Variants in PTPRH observed in about 807,000 individuals in gnomAD.
The protein encoded by PTPRH is receptor-type tyrosine-protein phosphatase H.
PTPRH carries 113 observed loss-of-function variants against 130.2 expected under a neutral mutation model. The observed-to-expected ratio is 0.87, with a 90% CI of 0.75 to 1.01. The LOEUF (loss-of-function observed/expected upper bound fraction) is 1.01, where lower values mean the gene tolerates loss of function less well. PTPRH is among the 50% of genes least tolerant of loss of function. The pLI is 0.00. For synonymous variants in PTPRH, 556 were observed against 577.9 expected, an observed-to-expected ratio of 0.96 and a Z score of 0.54; for missense variants, 1,430 against 1,425.0, an observed-to-expected ratio of 1.00 and a Z score of -0.06.
At position 55,197,315 on chromosome 19, in the gene PTPRH, A is replaced by G. The variant is rs1257199107; in HGVS notation, c.1792T>C (p.Tyr598His). 6.2e-7 allele frequency: 1 copy of G among 1,614,240 alleles called. No homozygotes were observed. Among genetic ancestry groups the G allele is most frequent in the South Asian group, 1.1e-5 (1 of 91,088 alleles). The part of the protein sequence containing the change: ...PGDPHSQLYV[Y>H]WVQWASKGHP... Reference sequence around the variant, plus strand: ...CCCTTGCTGGCCCACTGGACCCAGTATACGTACAACTGAGAGTGGGGGTCT... The same window carrying G: ...CCCTTGCTGGCCCACTGGACCCAGTGTACGTACAACTGAGAGTGGGGGTCT... The change falls in exon 9 of 20, where the codon TAC (tyrosine) becomes CAC (histidine). Residue 598 changes from tyrosine (Y) to histidine (H), a missense_variant. Tyr to His is a moderately conservative substitution (Grantham distance 83). Coordinates refer to ENST00000376350, the MANE Select transcript of PTPRH (RefSeq NM_002842.5).
In PTPRH at chr19:55,196,406, AG is replaced by A. The variant is rs2147490397; in HGVS notation, c.2257+115del. The A allele has an allele frequency of 3.1e-6, 4 of 1,304,160 alleles. No homozygotes were observed. The South Asian group carries it at 5.7e-5, about 19-fold the overall frequency. 80.8% of individuals were successfully genotyped at this position (1,304,160 alleles called of 1,614,324 possible). On this transcript the variant is annotated intron_variant, in intron 10 of 19. Coordinates refer to ENST00000376350, the MANE Select transcript of PTPRH (RefSeq NM_002842.5). ...TCCATCTCAAAATACAAAATAAAAA[AG>A]ATGTTTCAAAGGAAATGAGAAACAA...
chr19:55,206,126 G>A (rs573097884), intron 3 of PTPRH, among the ~76,000 whole-genome samples: 9 of 151,840 alleles, frequency 5.9e-5, no homozygotes, highest in African/African-American at 1.4e-4. Context: ...TCTGCTACTC[G>A]GGAGGCTGAG....
At chr19:55,183,385 A>G (rs2086232252) in intron 18 of PTPRH, among the ~76,000 whole-genome samples, 1 of 150,742 alleles carries the variant, frequency 6.6e-6, no homozygotes, top group Non-Finnish European at 1.5e-5. Context: ...AGCCTGGGCG[A>G]CAGAGCAAGA....
At chr19:55,207,631 GTTTGA>G (rs2087113603) in intron 1 of PTPRH, among the ~76,000 whole-genome samples, 1 of 143,232 alleles carries the variant, frequency 7.0e-6, no homozygotes, top group Non-Finnish European at 1.5e-5. Flanking sequence ...TCGACCTCTG[GTTTGA>G]GGGAGGAGAG....
Position 55,185,596 on chromosome 19 carries a change from G to A in PTPRH, c.2968C>T (p.Pro990Ser), listed in dbSNP as rs745710858. The A allele has an allele frequency of 1.9e-6, 3 of 1,614,206 alleles. No individual in the cohort carries two copies. In the South Asian group the frequency reaches 3.3e-5, roughly 18 times the overall value. Residue 990 changes from proline to serine, a missense_variant, in exon 18 of 20, where the codon CCC (proline) becomes TCC (serine). Coordinates refer to ENST00000376350, the MANE Select transcript of PTPRH (RefSeq NM_002842.5). The stretch of plus-strand genomic sequence containing the variant: ...GCCAGCAAGGTGTCTGGGGAGGAGG[G>A]AACGCCGTGATCCGGCCAGGCCTGG... Reference protein sequence around the residue: ...HYQAWPDHGVPSSPDTLLAFW... With the variant: ...HYQAWPDHGVSSSPDTLLAFW...
intron 18 of PTPRH, among the ~76,000 whole-genome samples, chr19:55,183,182 T>A (rs1599959187): frequency 7.4e-6 from 1 of 134,930 alleles, no homozygotes; most frequent in Admixed American, 7.4e-5. Flanking sequence ...GATCACGAGG[T>A]CAGGAGATTG....
rs956202430 is a variant in PTPRH, at chr19:55,203,191, G to A, written c.886+591C>T. 2.6e-5 allele frequency among the ~76,000 whole-genome samples: 4 copies of A among 151,646 alleles called. No individual in the cohort carries two copies. The East Asian group carries it at 5.9e-4, about 23-fold the overall frequency. ...AAATACAAAAAATTAGCCAGGTGTG[G>A]CGGTGTGCGCCTGTAGTCCCAGCTA... On this transcript the variant is annotated intron_variant, in intron 5 of 19. Coordinates refer to ENST00000376350, the MANE Select transcript of PTPRH (RefSeq NM_002842.5).
chr19:55,207,664 C>T lies in PTPRH; in HGVS notation c.52-465G>A, dbSNP rs1168323337. On this transcript the variant is annotated intron_variant, in intron 1 of 19. Transcript: ENST00000376350. ...GAGGAGAGGTTGGGGGCCTGGACTCCTGAGTCTGAGGGAGGAGGGGCTGGG... is the reference window on the plus strand; with the variant it reads ...GAGGAGAGGTTGGGGGCCTGGACTCTTGAGTCTGAGGGAGGAGGGGCTGGG... 3.2e-4 allele frequency among the ~76,000 whole-genome samples: 28 copies of T among 87,710 alleles called. 1 individual carries two copies. The highest frequency in any genetic ancestry group is 4.4e-4 in the Non-Finnish European group (20 of 45,308). 57.5% of individuals were successfully genotyped at this position (87,710 alleles called of 152,430 possible).
chr19:55,185,523 C>T lies in PTPRH; in HGVS notation c.3041G>A (p.Gly1014Asp). ...CCACCTGCAGTGCACAATGGGTGGG[C>T]CTCCCTCCATGGTCTGATCCAGCCA... ...RQWLDQTMEG[G>D]PPIVHCSAGV... Residue 1014 changes from glycine to aspartate, a missense_variant, in exon 18 of 20, where the codon GGC becomes GAC. By Grantham distance (94) the Gly-to-Asp change is moderately conservative (BLOSUM62 -1). Transcript: ENST00000376350. The T allele has an allele frequency of 6.2e-7, 1 of 1,614,088 alleles. No homozygotes were observed. The highest frequency in any genetic ancestry group is 8.5e-7 in the Non-Finnish European group (1 of 1,180,004).
intron 7 of PTPRH, among the ~76,000 whole-genome samples, chr19:55,199,357 C>T (rs2086785245): frequency 6.6e-6 from 1 of 151,812 alleles, no homozygotes; most frequent in Non-Finnish European, 1.5e-5. Context: ...GCCTGTAATC[C>T]CAACACTTCG....
intron 18 of PTPRH, among the ~76,000 whole-genome samples, chr19:55,183,179 A>T (rs2086224475): frequency 2.9e-5 from 4 of 139,414 alleles, no homozygotes; most frequent in African/African-American, 1.1e-4. Context: ...GTGGATCACG[A>T]GGTCAGGAGA....
chr19:55,204,645 C>G (rs1162606550), intron 4 of PTPRH, among the ~76,000 whole-genome samples: 1 of 151,822 alleles, frequency 6.6e-6, no homozygotes, highest in East Asian at 1.9e-4. Flanking sequence ...CATCAGCTCT[C>G]AGAGACCCGG....
rs1203943124 is a variant in PTPRH at position 55,206,780 on chromosome 19, A to G, written c.261T>C (p.Asp87=). 6 of 1,614,120 alleles carry G rather than the reference A, an allele frequency of 3.7e-6. No individual in the cohort carries two copies. The highest frequency in any genetic ancestry group is 1.6e-4 in the Middle Eastern group (1 of 6,062). The change falls in exon 3 of 20, where the codon GAT becomes GAC. Residue 87 remains aspartate, a synonymous_variant. Transcript: ENST00000376350. ...RNTTATNVTV[D]GLGPGSLYTC... is the part of the protein sequence containing the mutation. The stretch of plus-strand genomic sequence containing the variant: ...TATACAATGACCCGGGTCCAAGGCC[A>G]TCCACGGTGACGTTGGTGGCTGTTG...
chr19:55,205,448 C>T lies in PTPRH; in HGVS notation c.497G>A (p.Arg166Gln), dbSNP rs140115086. The T allele has an allele frequency of 6.1e-5, 98 of 1,614,066 alleles. No homozygotes were observed. Among genetic ancestry groups the T allele is most frequent in the African/African-American group, 2.5e-4 (19 of 74,920 alleles). The change falls in exon 4 of 20, where the codon CGA (arginine) becomes CAA (glutamine). Residue 166 changes from arginine to glutamine, a missense_variant. Transcript: ENST00000376350. ...GGTGATGTTAGTGTGTGCTGTGCTT[C>T]GAGTCCCTGCTCTGCCACCATCTCC... ...YTGDGGRAGTRSTAHTNITVD... is the reference protein window; with the variant it reads ...YTGDGGRAGTQSTAHTNITVD...
At chr19:55,185,008 C>CT (rs958112221) in intron 18 of PTPRH, among the ~76,000 whole-genome samples, 27 of 145,260 alleles carry the variant, frequency 1.9e-4, no homozygotes, top group East Asian at 6.1e-4. Flanking sequence ...TCTTTTTTTC[C>CT]TTTTTTTTTT....
chr19:55,188,128 C>A lies in PTPRH; in HGVS notation c.2425G>T (p.Val809Phe). The change falls in exon 13 of 20, where the codon GTC (valine) becomes TTC (phenylalanine). Residue 809 changes from valine (V) to phenylalanine (F), a missense_variant. Transcript: ENST00000376350. ...DIPAEDFADH[V>F]RKNERDSNCG... is the part of the protein sequence containing the mutation. Reference sequence around the variant, plus strand: ...TTGCTGTCCCTCTCATTCTTCCTGACGTGGTCAGCGAAGTCTTCAGCTGGG... The same window carrying A: ...TTGCTGTCCCTCTCATTCTTCCTGAAGTGGTCAGCGAAGTCTTCAGCTGGG... The A allele has an allele frequency of 6.2e-7, 1 of 1,614,100 alleles. No homozygotes were observed. The highest frequency in any genetic ancestry group is 2.2e-5 in the East Asian group (1 of 44,872).
At chr19:55,204,086 C>G (rs375415535) in intron 4 of PTPRH, 38 bp from the exon 5 acceptor site, 29 of 1,558,906 alleles carry the variant, frequency 1.9e-5, no homozygotes, top group Non-Finnish European at 2.3e-5. Flanking sequence ...ATGAGCAGGA[C>G]TACAGAACAT....
At chr19:55,199,989 A>G (rs1042148569) in intron 7 of PTPRH, among the ~76,000 whole-genome samples, 2 of 150,360 alleles carry the variant, frequency 1.3e-5, no homozygotes, top group African/African-American at 5.0e-5. Flanking sequence ...AGGGAAGGAG[A>G]AAGAAAGAAA....
intron 5 of PTPRH, among the ~76,000 whole-genome samples, chr19:55,203,212 A>G (rs1188976043): frequency 2.0e-5 from 3 of 150,954 alleles, no homozygotes; most frequent in East Asian, 2.0e-4. Context: ...CTGTAGTCCC[A>G]GCTACTCGGG....
Sources: gnomAD v4.1 joint callset for allele counts (sites outside exome capture counted in the v4.1 genomes callset) on GRCh38, gnomAD v4.1.1 for gene constraint, MANE v1.5 for transcripts, NCBI Gene and HGNC (gene_info 2026-07-23, HGNC 2026-07-21) for gene names.